Variants in REEP3 observed in about 807,000 individuals in gnomAD.
The protein encoded by REEP3 is receptor expression-enhancing protein 3.
Under a neutral mutation model 41.3 loss-of-function variants are expected in REEP3, and 20 were observed. That is an observed-to-expected ratio of 0.48 (90% CI 0.34 to 0.70). The LOEUF is 0.70. REEP3 is among the 30% of genes least tolerant of loss of function. The pLI, the probability that REEP3 is intolerant of heterozygous loss-of-function variation, is 0.01. For synonymous variants in REEP3, 104 were observed against 101.8 expected (o/e 1.02, Z -0.13); for missense variants, 271 against 308.8 (o/e 0.88, Z 0.92).
At position 63,602,904 on chromosome 10, in the gene REEP3, T is replaced by C. The variant is rs1026856971; in HGVS notation, c.417+3621T>C. Reference sequence around the variant, plus strand: ...AATGTAGCAATGAACAAGATAGATATAGCCCTCACCTGCACAATCTACTGT... The same window carrying C: ...AATGTAGCAATGAACAAGATAGATACAGCCCTCACCTGCACAATCTACTGT... On this transcript the variant is annotated intron_variant, in intron 5 of 7. Transcript: ENST00000373758. 4.6e-5 allele frequency among the ~76,000 whole-genome samples: 7 copies of C among 152,224 alleles called. No homozygotes were observed. In the East Asian group the frequency reaches 5.8e-4, roughly 13 times the overall value.
chr10:63,562,255 G>GT (rs562176985), intron 1 of REEP3, among the ~76,000 whole-genome samples: 6,675 of 136,060 alleles, frequency 0.049, 328 homozygotes, highest in East Asian at 0.28. Context: ...ATAAGGCAGA[G>GT]TTTTTTTTTT....
chr10:63,599,514 G>A (rs1006034819), intron 5 of REEP3, among the ~76,000 whole-genome samples: 1 of 152,124 alleles, frequency 6.6e-6, no homozygotes, highest in East Asian at 1.9e-4. Flanking sequence ...ATACATACCT[G>A]AAAATGTCAT....
intron 2 of REEP3, among the ~76,000 whole-genome samples, chr10:63,580,482 A>G (rs1255519099): frequency 1.3e-5 from 2 of 152,206 alleles, no homozygotes; most frequent in Admixed American, 6.5e-5. Flanking sequence ...AAGAAAAATC[A>G]AAAGAATCTG....
At chr10:63,523,804 G>T (rs767983701) in intron 1 of REEP3, among the ~76,000 whole-genome samples, 2 of 152,224 alleles carry the variant, frequency 1.3e-5, no homozygotes, top group Non-Finnish European at 2.9e-5. Context: ...TGGAAAGGTA[G>T]CCTGGGGCCT....
intron 5 of REEP3, among the ~76,000 whole-genome samples, chr10:63,601,406 T>C (rs905582879): frequency 2.8e-4 from 43 of 152,138 alleles, no homozygotes; most frequent in African/African-American, 9.7e-4. Flanking sequence ...TCCCCAGAGC[T>C]AGGGAATGGT....
intron 2 of REEP3, among the ~76,000 whole-genome samples, chr10:63,572,407 A>G (rs185778504): frequency 5.9e-5 from 9 of 152,224 alleles, no homozygotes; most frequent in African/African-American, 1.9e-4. Context: ...GCACCCATCA[A>G]CCTGTCACCT....
intron 1 of REEP3, among the ~76,000 whole-genome samples, chr10:63,556,608 T>G: frequency 1.8e-5 from 1 of 54,270 alleles, no homozygotes; most frequent in African/African-American, 7.2e-5. Context: ...TGTTTTCTGT[T>G]TGCTTGTTTT....
chr10:63,583,403 G>T (rs887204736), intron 2 of REEP3, among the ~76,000 whole-genome samples: 2 of 152,182 alleles, frequency 1.3e-5, no homozygotes, highest in Non-Finnish European at 2.9e-5. Context: ...AAAGTATGCT[G>T]TCAAACCTAC....
At chr10:63,523,112 T>C (rs1955308135) in intron 1 of REEP3, among the ~76,000 whole-genome samples, 1 of 152,158 alleles carries the variant, frequency 6.6e-6, no homozygotes. Context: ...TTTTTCATAA[T>C]TGCCAATGAA....
chr10:63,569,767 C>T (rs988740671), intron 2 of REEP3, among the ~76,000 whole-genome samples: 1 of 151,990 alleles, frequency 6.6e-6, no homozygotes, highest in East Asian at 1.9e-4. Flanking sequence ...CATGGTGAAA[C>T]CCCGTCTCTA....
chr10:63,588,231 G>A lies in REEP3; in HGVS notation c.106-6547G>A, dbSNP rs146763654. On this transcript the variant is annotated intron_variant, in intron 2 of 7. Coordinates refer to ENST00000373758, the MANE Select transcript of REEP3 (RefSeq NM_001001330.3). ...CTTTTCTTCCTTTCTATCTGTCCCA[G>A]AGGAAGAGGTATCCCTGCTTCTTTC... Among the ~76,000 whole-genome samples, 756 of 152,208 alleles carry A rather than the reference G, an allele frequency of 5.0e-3. 6 individuals carry two copies. The highest frequency in any genetic ancestry group is 0.018 in the African/African-American group (727 of 41,514).
rs1319794887 is a variant in REEP3, at chr10:63,623,797, G to GTGTGTA, written c.*2929_*2930insGTGTAT. The GTGTGTA allele has an allele frequency of 6.7e-6, 1 of 149,974 alleles. No homozygotes were observed. Among genetic ancestry groups the GTGTGTA allele is most frequent in the African/African-American group, 2.5e-5 (1 of 39,496 alleles). The allele number at this position is 149,974 out of a possible 1,614,324, so 9.3% of individuals were successfully genotyped here. A position where few individuals can be genotyped will look rare whatever the true frequency, so the allele number is the denominator to read the frequency against. On this transcript the variant is annotated 3_prime_UTR_variant, in exon 8 of 8. Transcript: ENST00000373758. ...TGTGTGTGTGTGTGTGTGTGTGTGT[G>GTGTGTA]TATTTGGCTAAAAAATTATACTGCC...
At chr10:63,557,664 C>G (rs1247832898) in intron 1 of REEP3, among the ~76,000 whole-genome samples, 2 of 152,172 alleles carry the variant, frequency 1.3e-5, no homozygotes, top group East Asian at 3.9e-4. Context: ...ATTACACTGA[C>G]TACTACATTT....
At chr10:63,549,112 C>T (rs1313414281) in intron 1 of REEP3, among the ~76,000 whole-genome samples, 1 of 152,166 alleles carries the variant, frequency 6.6e-6, no homozygotes, top group East Asian at 1.9e-4. Context: ...ATAACCTTGA[C>T]ATTTTGGTTT....
chr10:63,582,368 T>C (rs1257148216), intron 2 of REEP3, among the ~76,000 whole-genome samples: 1 of 152,226 alleles, frequency 6.6e-6, no homozygotes, highest in East Asian at 1.9e-4. Context: ...CCTCAGAATC[T>C]ATATAACTGT....
intron 5 of REEP3, among the ~76,000 whole-genome samples, chr10:63,605,073 C>CA (rs1564490618): frequency 6.6e-6 from 1 of 151,920 alleles, no homozygotes; most frequent in Non-Finnish European, 1.5e-5. Flanking sequence ...TTCCCCACAA[C>CA]AAAAAATTAT....
intron 1 of REEP3, among the ~76,000 whole-genome samples, chr10:63,541,306 G>A (rs906590270): frequency 2.6e-5 from 4 of 152,080 alleles, no homozygotes; most frequent in South Asian, 2.1e-4. Context: ...GTGTCTAACC[G>A]TATGACCTTA....
At chr10:63,524,843 T>C (rs10761781) in intron 1 of REEP3, among the ~76,000 whole-genome samples, 101,644 of 151,880 alleles carry the variant, frequency 0.67, 36,789 homozygotes, top group Non-Finnish European at 0.81. Context: ...AAATACCACA[T>C]GAAACCGTTG....
At chr10:63,619,590 G>A in intron 6 of REEP3, 65 bp from the exon 7 acceptor site, 7 of 1,462,930 alleles carry the variant, frequency 4.8e-6, no homozygotes, top group Non-Finnish European at 6.5e-6. Context: ...ACACAGATGG[G>A]TCAAAGAGCC....
Sources: allele counts gnomAD v4.1 joint callset (sites outside exome capture counted in the v4.1 genomes callset), GRCh38; gene constraint gnomAD v4.1.1; transcripts MANE v1.5; gene names NCBI Gene and HGNC (gene_info 2026-07-23, HGNC 2026-07-21).